Variants in ABTB3 observed in about 807,000 individuals in gnomAD.
The protein encoded by ABTB3 is ankyrin repeat- and BTB/POZ domain-containing protein 3.
At chr12:107,333,672 T>A in the ABTB3 span, among the ~76,000 whole-genome samples, 1 of 152,186 alleles carries the variant, frequency 6.6e-6, no homozygotes, top group South Asian at 2.1e-4. Flanking sequence ...TCAATAGCTA[T>A]TTATCGAGAG....
the ABTB3 span, chr12:107,657,447 A>G: frequency 2.1e-6 from 3 of 1,431,816 alleles, no homozygotes; most frequent in Non-Finnish European, 3.0e-6. Flanking sequence ...CTCTGAAGGC[A>G]TAATCTGAAA....
At chr12:107,598,536 G>A in the ABTB3 span, among the ~76,000 whole-genome samples, 3 of 152,220 alleles carry the variant, frequency 2.0e-5, no homozygotes, top group Non-Finnish European at 4.4e-5. Flanking sequence ...GAGAACAATG[G>A]TGGGGATGGT....
the ABTB3 span, among the ~76,000 whole-genome samples, chr12:107,448,347 A>C: frequency 1.3e-5 from 2 of 152,152 alleles, no homozygotes; most frequent in Admixed American, 6.5e-5. Context: ...CTTGAGTCTC[A>C]CATCCAGGGT....
chr12:107,608,047 C>T, the ABTB3 span, among the ~76,000 whole-genome samples: 2 of 152,164 alleles, frequency 1.3e-5, no homozygotes, highest in Non-Finnish European at 2.9e-5. Context: ...CCTTAGTTCC[C>T]GCCCTCGGAG....
chr12:107,515,815 A>G, the ABTB3 span, among the ~76,000 whole-genome samples: 6 of 152,150 alleles, frequency 3.9e-5, no homozygotes, highest in Non-Finnish European at 7.3e-5. Flanking sequence ...AGTGCCCAGG[A>G]AATGGTGAAT....
the ABTB3 span, among the ~76,000 whole-genome samples, chr12:107,626,343 C>CTTTT: frequency 3.6e-4 from 40 of 112,484 alleles, no homozygotes; most frequent in African/African-American, 3.9e-4. Context: ...CTATCGTCAT[C>CTTTT]TTTTTTTTTT....
the ABTB3 span, among the ~76,000 whole-genome samples, chr12:107,595,189 C>T: frequency 6.6e-6 from 1 of 152,192 alleles, no homozygotes; most frequent in East Asian, 1.9e-4. Flanking sequence ...TTAGTCAGCG[C>T]TTCTGGTGCT....
chr12:107,355,949 A>G, the ABTB3 span, among the ~76,000 whole-genome samples: 2 of 152,336 alleles, frequency 1.3e-5, no homozygotes, highest in African/African-American at 4.8e-5. Context: ...TATTTAGCTA[A>G]TGTTTTTTAT....
At chr12:107,506,691 G>T in the ABTB3 span, among the ~76,000 whole-genome samples, 1 of 152,202 alleles carries the variant, frequency 6.6e-6, no homozygotes, top group East Asian at 1.9e-4. Flanking sequence ...TTCTTTGTGG[G>T]ATTATTTGAT....
chr12:107,506,995 G>C, the ABTB3 span, among the ~76,000 whole-genome samples: 1 of 152,110 alleles, frequency 6.6e-6, no homozygotes, highest in East Asian at 1.9e-4. Flanking sequence ...TTAAAAACAG[G>C]CATGGATAAT....
the ABTB3 span, among the ~76,000 whole-genome samples, chr12:107,506,626 T>C: frequency 6.6e-6 from 1 of 152,206 alleles, no homozygotes; most frequent in Non-Finnish European, 1.5e-5. Flanking sequence ...GGTCAGGGAA[T>C]GGTGTATGTA....
the ABTB3 span, among the ~76,000 whole-genome samples, chr12:107,485,506 T>C: frequency 6.6e-6 from 1 of 152,154 alleles, no homozygotes. Flanking sequence ...TTTTTGTGAC[T>C]CTGGGTCTGT....
At chr12:107,513,385 G>C in the ABTB3 span, among the ~76,000 whole-genome samples, 1 of 152,118 alleles carries the variant, frequency 6.6e-6, no homozygotes, top group Non-Finnish European at 1.5e-5. Context: ...TTGGATCATG[G>C]GGGCAGTTTC....
the ABTB3 span, among the ~76,000 whole-genome samples, chr12:107,435,331 G>A: frequency 7.2e-5 from 11 of 152,288 alleles, no homozygotes; most frequent in Non-Finnish European, 1.6e-4. Context: ...GCATTCAGAG[G>A]GTTAGGGAAG....
chr12:107,462,911 G>A, the ABTB3 span, among the ~76,000 whole-genome samples: 4 of 151,584 alleles, frequency 2.6e-5, no homozygotes, highest in Non-Finnish European at 1.5e-5. Flanking sequence ...TAACAATGGT[G>A]TAGTGACGGT....
chr12:107,528,134 C>T, the ABTB3 span, among the ~76,000 whole-genome samples: 1 of 152,166 alleles, frequency 6.6e-6, no homozygotes, highest in Non-Finnish European at 1.5e-5. Flanking sequence ...ATTTGTGACT[C>T]TTTGTCCTAG....
the ABTB3 span, among the ~76,000 whole-genome samples, chr12:107,631,659 G>C: frequency 6.6e-6 from 1 of 152,138 alleles, no homozygotes; most frequent in South Asian, 2.1e-4. Context: ...CCTTGTTTGG[G>C]GTGACCTTGA....
At chr12:107,530,657 T>A in the ABTB3 span, among the ~76,000 whole-genome samples, 1 of 152,256 alleles carries the variant, frequency 6.6e-6, no homozygotes, top group East Asian at 1.9e-4. Context: ...TTTTTTGGTA[T>A]TGCAGTTCTA....
At chr12:107,534,734 G>T in the ABTB3 span, among the ~76,000 whole-genome samples, 1 of 152,038 alleles carries the variant, frequency 6.6e-6, no homozygotes, top group African/African-American at 2.4e-5. Context: ...TACCAAGATT[G>T]GACCATGAAT....
Sources: gnomAD v4.1 joint callset for allele counts (sites outside exome capture counted in the v4.1 genomes callset) on GRCh38, gnomAD v4.1.1 for gene constraint, MANE v1.5 for transcripts, NCBI Gene and HGNC (gene_info 2026-07-23, HGNC 2026-07-21) for gene names.